Variants in LTBP1 observed in about 807,000 individuals in gnomAD.
LTBP1 encodes the protein latent transforming growth factor beta binding protein 1.
Under a neutral mutation model 207.6 loss-of-function variants are expected in LTBP1, and 129 were observed. The observed-to-expected ratio is 0.62, with a 90% CI of 0.54 to 0.72. LTBP1 has a LOEUF of 0.72. LTBP1 is among the 30% of genes least tolerant of loss of function. The pLI is 0.00. For missense variants in LTBP1, 2,281 were observed against 2,217.2 expected (o/e 1.03, Z -0.58); for synonymous variants, 963 against 833.7 (o/e 1.16, Z -2.67).
intron 2 of LTBP1, among the ~76,000 whole-genome samples, chr2:32,963,068 A>ATTT (rs1679388157): frequency 1.3e-5 from 2 of 152,218 alleles, no homozygotes; most frequent in Admixed American, 1.3e-4. Flanking sequence ...TAGAGGCTTC[A>ATTT]TTTACCCTTT....
At chr2:32,964,838 C>T (rs72789880) in intron 2 of LTBP1, among the ~76,000 whole-genome samples, 16,075 of 151,722 alleles carry the variant, frequency 0.11, 932 homozygotes, top group Middle Eastern at 0.12. Flanking sequence ...GTCAAGAGCT[C>T]GAGATCATCT....
At chr2:33,131,820 A>G (rs2081817290) in intron 4 of LTBP1, among the ~76,000 whole-genome samples, 1 of 152,256 alleles carries the variant, frequency 6.6e-6, no homozygotes, top group South Asian at 2.1e-4. Flanking sequence ...TTGAAAATCC[A>G]GATGATTCCA....
At chr2:33,186,820 T>C in intron 5 of LTBP1, 36 bp from the exon 6 acceptor site, 1 of 1,546,324 alleles carries the variant, frequency 6.5e-7, no homozygotes, top group African/African-American at 1.4e-5. Flanking sequence ...TCTGAGAGAC[T>C]AACCAACTCT....
At chr2:33,064,284 C>T (rs552841076) in intron 3 of LTBP1, among the ~76,000 whole-genome samples, 1 of 152,304 alleles carries the variant, frequency 6.6e-6, no homozygotes, top group East Asian at 1.9e-4. Context: ...AAAATTCACA[C>T]ATTAGTCTGG....
At chr2:32,996,633 G>A (rs1685319106) in intron 2 of LTBP1, among the ~76,000 whole-genome samples, 1 of 152,140 alleles carries the variant, frequency 6.6e-6, no homozygotes. Context: ...GGCACGTGGA[G>A]CTTCACAATA....
intron 9 of LTBP1, among the ~76,000 whole-genome samples, chr2:33,242,971 T>A (rs2092386093): frequency 6.6e-6 from 1 of 151,808 alleles, no homozygotes; most frequent in Non-Finnish European, 1.5e-5. Context: ...ACTATTTACC[T>A]TCCTGAATCT....
chr2:33,303,775 C>T (rs55958215), intron 22 of LTBP1, among the ~76,000 whole-genome samples: 3,424 of 152,210 alleles, frequency 0.022, 64 homozygotes, highest in Non-Finnish European at 0.036. Flanking sequence ...GGAGCTCAGG[C>T]GGTAATGCTC....
chr2:33,140,338 C>T (rs766146798), intron 5 of LTBP1, among the ~76,000 whole-genome samples: 5 of 152,184 alleles, frequency 3.3e-5, no homozygotes, highest in African/African-American at 7.2e-5. Context: ...CTGAGTTTCT[C>T]ATCCTTTGCC....
chr2:32,971,370 A>G (rs1390079093), intron 2 of LTBP1, among the ~76,000 whole-genome samples: 2 of 152,050 alleles, frequency 1.3e-5, no homozygotes, highest in Non-Finnish European at 2.9e-5. Context: ...GTCTTGTTCT[A>G]GTTCTCAAGG....
chr2:33,055,980 T>C (rs1329819505), intron 3 of LTBP1, among the ~76,000 whole-genome samples: 1 of 152,214 alleles, frequency 6.6e-6, no homozygotes, highest in Admixed American at 6.5e-5. Context: ...GAGGTCCTCC[T>C]GTGGGATGTA....
At chr2:33,043,197 C>A (rs1573266205) in intron 3 of LTBP1, among the ~76,000 whole-genome samples, 1 of 152,260 alleles carries the variant, frequency 6.6e-6, no homozygotes, top group East Asian at 1.9e-4. Context: ...AGTCCTGCGT[C>A]AGATGAAATT....
At chr2:33,305,159 A>C (rs971065771) in intron 22 of LTBP1, among the ~76,000 whole-genome samples, 2 of 148,414 alleles carry the variant, frequency 1.3e-5, no homozygotes, top group African/African-American at 2.5e-5. Context: ...CTAAAAATAC[A>C]AAAAAAAAAG....
intron 2 of LTBP1, among the ~76,000 whole-genome samples, chr2:33,005,972 C>G (rs368754690): frequency 2.6e-5 from 4 of 152,184 alleles, no homozygotes; most frequent in Admixed American, 6.5e-5. Flanking sequence ...CTAGCTACCA[C>G]GAAGAACCAC....
At chr2:33,325,565 A>G (rs1046352053) in intron 24 of LTBP1, among the ~76,000 whole-genome samples, 4 of 152,234 alleles carry the variant, frequency 2.6e-5, no homozygotes, top group Admixed American at 1.3e-4. Flanking sequence ...AAACTATTAC[A>G]TTAATTCCGA....
chr2:33,234,881 C>T (rs2091966241), intron 9 of LTBP1, among the ~76,000 whole-genome samples: 2 of 152,118 alleles, frequency 1.3e-5, no homozygotes, highest in Admixed American at 6.5e-5. Flanking sequence ...CTTCCTCACA[C>T]ATTATACAAA....
intron 24 of LTBP1, among the ~76,000 whole-genome samples, chr2:33,326,558 G>T (rs2094429572): frequency 6.6e-6 from 1 of 151,436 alleles, no homozygotes; most frequent in Non-Finnish European, 1.5e-5. Flanking sequence ...GACCTTATTT[G>T]GGATGATAAA....
intron 26 of LTBP1, among the ~76,000 whole-genome samples, chr2:33,355,206 C>G (rs1264573324): frequency 1.9e-4 from 29 of 151,776 alleles, no homozygotes; most frequent in Admixed American, 1.9e-3. Flanking sequence ...CTGCTTGTTC[C>G]CCCATCTCCA....
rs781550289 is a variant in LTBP1, at chr2:33,397,144, A to G, written c.4846A>G (p.Ser1616Gly). 5.0e-6 allele frequency: 8 copies of G among 1,613,584 alleles called. No individual in the cohort carries two copies. Among genetic ancestry groups the G allele is most frequent in the Middle Eastern group, 3.3e-4 (2 of 6,052 alleles). The change falls in exon 33 of 34, where the codon AGC (serine) becomes GGC (glycine). Residue 1616 changes from serine to glycine, a missense_variant. Coordinates refer to ENST00000404816, the MANE Select transcript of LTBP1 (RefSeq NM_206943.4). Reference sequence around the variant, plus strand: ...CCTTTCCTTTCCAGGTTTTCTAAATAGCTTTGAGGAGTTACAGGCTGAGGA... The same window carrying G: ...CCTTTCCTTTCCAGGTTTTCTAAATGGCTTTGAGGAGTTACAGGCTGAGGA... Reference protein sequence around the residue: ...PYFIQDRFLNSFEELQAEECG... With the variant: ...PYFIQDRFLNGFEELQAEECG...
intron 2 of LTBP1, among the ~76,000 whole-genome samples, chr2:32,957,630 T>C (rs1678303351): frequency 6.6e-6 from 1 of 152,094 alleles, no homozygotes; most frequent in Admixed American, 6.5e-5. Context: ...ACATTAATAA[T>C]GAAAAAGTGT....
Sources: gnomAD v4.1 joint callset for allele counts (sites outside exome capture counted in the v4.1 genomes callset) on GRCh38, gnomAD v4.1.1 for gene constraint, MANE v1.5 for transcripts, NCBI Gene and HGNC (gene_info 2026-07-23, HGNC 2026-07-21) for gene names.